Variants in FBXO21 observed in about 807,000 individuals in gnomAD.
FBXO21 encodes F-box protein 21.
Under a neutral mutation model 76.6 loss-of-function variants are expected in FBXO21, and 32 were observed. That is an observed-to-expected ratio of 0.42 (90% CI 0.32 to 0.56). The LOEUF (loss-of-function observed/expected upper bound fraction) is 0.56. FBXO21 is among the 20% of genes least tolerant of loss of function. The pLI is 0.16. For synonymous variants in FBXO21, 328 were observed against 311.5 expected (o/e 1.05, Z -0.56); for missense variants, 586 against 797.3 (o/e 0.73, Z 3.19).
intron 3 of FBXO21, among the ~76,000 whole-genome samples, chr12:117,178,349 C>A (rs1177759541): frequency 6.6e-6 from 1 of 152,164 alleles, no homozygotes; most frequent in Non-Finnish European, 1.5e-5. Context: ...CCACCATCAG[C>A]ATTCCTGTGT....
rs748792177 is a variant in FBXO21 at position 117,190,255 on chromosome 12, T to G, written c.202A>C (p.Ser68Arg). 6.5e-7 allele frequency: 1 copy of G among 1,545,824 alleles called. No individual in the cohort carries two copies. Among genetic ancestry groups the G allele is most frequent in the East Asian group, 2.6e-5 (1 of 37,768 alleles). The change falls in exon 1 of 12, where the codon AGC becomes CGC. Residue 68 changes from serine (S) to arginine (R), a missense_variant. Around this residue, in one of 6 missense-constraint regions of FBXO21, gnomAD observed 152 missense variants for 127.2 expected, o/e 1.19. Transcript: ENST00000622495. ...TGCTCCTTCCACACCTTCCCGCTGC[T>G]CTGGCACAGCTCGCGCAGCCGCCGG... is the stretch of plus-strand genomic sequence containing the variant. Reference protein sequence around the residue: ...TCRRLRELCQSSGKVWKEQFR... With the variant: ...TCRRLRELCQRSGKVWKEQFR...
chr12:117,187,571 T>G (rs915233519), intron 2 of FBXO21, among the ~76,000 whole-genome samples: 3 of 151,670 alleles, frequency 2.0e-5, no homozygotes. Flanking sequence ...GCCAAAGCAA[T>G]CACCCACCCA....
At position 117,142,053 on chromosome 12, in the gene FBXO21, C is replaced by A. The variant is rs1955722897; in HGVS notation, c.*4034G>T. The A allele has an allele frequency of 6.6e-6, 1 of 152,194 alleles. No individual in the cohort carries two copies. The highest frequency in any genetic ancestry group is 1.5e-5 in the Non-Finnish European group (1 of 68,042). The allele number at this position is 152,194 out of a possible 1,614,324, so 9.4% of individuals were successfully genotyped here. On this transcript the variant is annotated 3_prime_UTR_variant, in exon 12 of 12. Transcript: ENST00000622495. ...CCCTAATACAGTCATTGCTACGTGG[C>A]CATAATACATGTATTCTATAATTGC...
rs1447200967 is a variant in FBXO21 at position 117,142,508 on chromosome 12, T to C, written c.*3579A>G. The C allele has an allele frequency of 6.6e-6, 1 of 152,120 alleles. No homozygotes were observed. The highest frequency in any genetic ancestry group is 2.4e-5 in the African/African-American group (1 of 41,410). The allele number at this position is 152,120 out of a possible 1,614,324, so 9.4% of individuals were successfully genotyped here. A position where few individuals can be genotyped will look rare whatever the true frequency, so the allele number is the denominator to read the frequency against. On this transcript the variant is annotated 3_prime_UTR_variant, in exon 12 of 12. Coordinates refer to ENST00000622495, the MANE Select transcript of FBXO21 (RefSeq NM_015002.3). The stretch of plus-strand genomic sequence containing the variant: ...ATCTTTACTATCTGCGTCTGCTTTA[T>C]AGGATTGCTGGGAGGATTACAAAGA...
intron 10 of FBXO21, among the ~76,000 whole-genome samples, chr12:117,156,761 A>G (rs1955920553): frequency 6.6e-6 from 1 of 152,224 alleles, no homozygotes; most frequent in African/African-American, 2.4e-5. Flanking sequence ...AAAAAAATGC[A>G]ATAAAGAATG....
At position 117,145,970 on chromosome 12, in the gene FBXO21, T is replaced by C; in HGVS notation, c.*117A>G. 1.4e-6 allele frequency: 1 copy of C among 726,894 alleles called. No homozygotes were observed. Among genetic ancestry groups the C allele is most frequent in the African/African-American group, 1.8e-5 (1 of 56,008 alleles). The allele number at this position is 726,894 out of a possible 1,614,324, so 45.0% of individuals were successfully genotyped here. The stretch of plus-strand genomic sequence containing the variant: ...AGTAGGAGGCAACCAGCACTACTGG[T>C]GGAGTGGCTTTCCTGGTGCAGCAGG... On this transcript the variant is annotated 3_prime_UTR_variant, in exon 12 of 12. Transcript: ENST00000622495.
Position 117,189,295 on chromosome 12 carries a change from G to C in FBXO21, c.307C>G (p.Arg103Gly). ...YVNWLEEYKVRQKAGLEARKI... is the reference protein window; with the variant it reads ...YVNWLEEYKVGQKAGLEARKI... The stretch of plus-strand genomic sequence containing the variant: ...CGCGCTTCTAACCCAGCTTTTTGCC[G>C]AACTTTATACTCTTCCAACCAATTG... The change falls in exon 2 of 12, where the codon CGG (arginine) becomes GGG (glycine). Residue 103 changes from arginine to glycine, a missense_variant. Arg to Gly is a moderately radical substitution (Grantham distance 125). Around this residue, in one of 6 missense-constraint regions of FBXO21, gnomAD observed 246 missense variants for 356.8 expected, o/e 0.69. Coordinates refer to ENST00000622495, the MANE Select transcript of FBXO21 (RefSeq NM_015002.3). 1 of 1,614,088 alleles carries C rather than the reference G, an allele frequency of 6.2e-7. No individual in the cohort carries two copies. Among genetic ancestry groups the C allele is most frequent in the Non-Finnish European group, 8.5e-7 (1 of 1,180,024 alleles).
At chr12:117,179,306 C>T (rs945034768) in intron 3 of FBXO21, among the ~76,000 whole-genome samples, 2 of 152,198 alleles carry the variant, frequency 1.3e-5, no homozygotes, top group Non-Finnish European at 2.9e-5. Flanking sequence ...CCTCCGGGGC[C>T]CCCCGCAACA....
intron 9 of FBXO21, among the ~76,000 whole-genome samples, chr12:117,159,430 G>C (rs1955953285): frequency 6.6e-6 from 1 of 152,168 alleles, no homozygotes; most frequent in African/African-American, 2.4e-5. Context: ...CTCTGGGTGT[G>C]AAGATCAACT....
At position 117,190,448 on chromosome 12, in the gene FBXO21, C is replaced by G; in HGVS notation, c.9G>C (p.Ala3=). The part of the protein sequence containing the change: MA[A]AAVDSAMEVV... ...CCTCCATCGCGCTGTCGACTGCTGC[C>G]GCCGCCATCTTGTCCGCGTACCTGG... is the stretch of plus-strand genomic sequence containing the variant. Residue 3 remains alanine (A), a synonymous_variant, in exon 1 of 12, where the codon GCG becomes GCC. Transcript: ENST00000622495. 2 of 1,362,816 alleles carry G rather than the reference C, an allele frequency of 1.5e-6. No individual in the cohort carries two copies. The highest frequency in any genetic ancestry group is 2.0e-6 in the Non-Finnish European group (2 of 1,019,200). 84.4% of individuals were successfully genotyped at this position (1,362,816 alleles called of 1,614,324 possible).
intron 11 of FBXO21, among the ~76,000 whole-genome samples, chr12:117,153,315 C>G (rs771180520): frequency 1.3e-5 from 2 of 152,074 alleles, no homozygotes; most frequent in Non-Finnish European, 2.9e-5. Context: ...CGTGGTGTCA[C>G]TAGTGAGATG....
chr12:117,185,360 A>T (rs1956271813), intron 3 of FBXO21, among the ~76,000 whole-genome samples: 1 of 152,226 alleles, frequency 6.6e-6, no homozygotes, highest in African/African-American at 2.4e-5. Flanking sequence ...AATCCCCTTT[A>T]AAAAACAACA....
intron 11 of FBXO21, 36 bp downstream of exon 11, chr12:117,155,755 G>A (rs200476709): frequency 6.3e-7 from 1 of 1,592,702 alleles, no homozygotes; most frequent in South Asian, 1.1e-5. Context: ...AAACACGCCC[G>A]CGGGGCCACT....
chr12:117,151,133 C>T (rs1210051033), intron 11 of FBXO21, among the ~76,000 whole-genome samples: 1 of 152,088 alleles, frequency 6.6e-6, no homozygotes, highest in Non-Finnish European at 1.5e-5. Flanking sequence ...CCATTACAGA[C>T]AAAACTTAAG....
At chr12:117,158,453 T>C (rs1955941760) in intron 9 of FBXO21, among the ~76,000 whole-genome samples, 1 of 152,150 alleles carries the variant, frequency 6.6e-6, no homozygotes, top group Non-Finnish European at 1.5e-5. Context: ...GCATGGGAAA[T>C]GTGAGAATCC....
intron 10 of FBXO21, 32 bp from the exon 11 acceptor site, chr12:117,155,980 G>A (rs754124854): frequency 5.0e-6 from 8 of 1,603,718 alleles, no homozygotes; most frequent in Non-Finnish European, 6.8e-6. Flanking sequence ...GTCAGTCCCT[G>A]CAGACCCGGC....
chr12:117,172,421 C>A, intron 7 of FBXO21, 50 bp downstream of exon 7: 1 of 1,589,908 alleles, frequency 6.3e-7, no homozygotes, highest in Non-Finnish European at 8.6e-7. Flanking sequence ...CCTCTCAGCA[C>A]AGAGGGACCA....
At chr12:117,167,977 C>T (rs2135866574) in intron 7 of FBXO21, among the ~76,000 whole-genome samples, 1 of 152,298 alleles carries the variant, frequency 6.6e-6, no homozygotes, top group African/African-American at 2.4e-5. Context: ...GGGGCTGGCC[C>T]TCGCTGAGCA....
chr12:117,175,052 G>C (rs187809719), intron 4 of FBXO21, among the ~76,000 whole-genome samples: 1 of 151,958 alleles, frequency 6.6e-6, no homozygotes, highest in Non-Finnish European at 1.5e-5. Context: ...AAAAAACTGC[G>C]TGGTATATGG....
Sources: gnomAD v4.1 joint callset for allele counts (sites outside exome capture counted in the v4.1 genomes callset) on GRCh38, gnomAD v4.1.1 for gene constraint, gnomAD v4.1.1 regional missense constraint, MANE v1.5 for transcripts, NCBI Gene and HGNC (gene_info 2026-07-23, HGNC 2026-07-21) for gene names.